The following CPSF3 variants were observed in gnomAD, a reference collection of about 807,000 sequenced individuals.
CPSF3 encodes cleavage and polyadenylation specificity factor subunit 3.
Under a neutral mutation model 84.1 loss-of-function variants are expected in CPSF3, and 57 were observed. The ratio of observed to expected loss-of-function variants is 0.68; its 90% CI spans 0.55 to 0.85. The LOEUF is 0.85. Among genes scored for constraint, CPSF3 ranks in the 40% least tolerant of loss-of-function variants. The pLI is 0.00. For missense variants in CPSF3, 522 were observed against 838.8 expected (o/e 0.62, Z 4.66); for synonymous variants, 275 against 278.1 (o/e 0.99, Z 0.11).
intron 10 of CPSF3, among the ~76,000 whole-genome samples, chr2:9,447,122 C>A (rs900527328): frequency 6.6e-5 from 10 of 152,172 alleles, no homozygotes; most frequent in African/African-American, 2.4e-4. Flanking sequence ...ACCTGGGCAA[C>A]AGAGCAAGAC....
chr2:9,455,702 C>T lies in CPSF3; in HGVS notation c.1548C>T (p.Ala516=). The change falls in exon 13 of 18, where the codon GCC becomes GCT. Residue 516 remains alanine (A), a synonymous_variant. Transcript: ENST00000238112. ...TGAGCACGGTGAAGCAGACCCAAGCCATTCCATATACTGGTCCCTTTAATT... is the reference window on the plus strand; with the variant it reads ...TGAGCACGGTGAAGCAGACCCAAGCTATTCCATATACTGGTCCCTTTAATT... ...LAMSTVKQTQ[A]IPYTGPFNLL... 1 of 1,614,132 alleles carries T rather than the reference C, an allele frequency of 6.2e-7. No individual in the cohort carries two copies.
At chr2:9,448,051 GGTCCTTAAAA>G in intron 10 of CPSF3, 137 bp from the exon 11 acceptor site, 1 of 457,462 alleles carries the variant, frequency 2.2e-6, no homozygotes, top group Admixed American at 4.0e-5. Context: ...ATCGGCTGGA[GGTCCTTAAAA>G]GTAGTAAAGT....
Position 9,470,171 on chromosome 2 carries a change from G to A in CPSF3, c.1857-1172G>A, listed in dbSNP as rs1172146602. ...CAGGAGGCAGAGGTTGCAGTGGGCC[G>A]AGATCGGGACACTGCACTCCAGCCT... On this transcript the variant is annotated intron_variant, in intron 16 of 17. Transcript: ENST00000238112. Among the ~76,000 whole-genome samples the A allele has an allele frequency of 2.6e-5, 4 of 152,190 alleles. No individual in the cohort carries two copies. The South Asian group carries it at 6.2e-4, about 24-fold the overall frequency.
intron 15 of CPSF3, among the ~76,000 whole-genome samples, chr2:9,463,062 A>G (rs1681783209): frequency 6.6e-6 from 1 of 152,222 alleles, no homozygotes; most frequent in African/African-American, 2.4e-5. Context: ...TGCTTAGGAA[A>G]CATCAGTGAA....
chr2:9,471,700 A>G (rs551304950), intron 17 of CPSF3, among the ~76,000 whole-genome samples: 12 of 150,828 alleles, frequency 8.0e-5, no homozygotes, highest in Non-Finnish European at 1.8e-4. Flanking sequence ...AGTTCACCTC[A>G]TCCCTTCTCT....
chr2:9,424,669 A>G (rs1429450361), intron 1 of CPSF3: 1 of 152,250 alleles, frequency 6.6e-6, no homozygotes, highest in East Asian at 1.9e-4. Context: ...CCTTCTGCTT[A>G]GTTCACACCT....
At chr2:9,424,006 G>A in intron 1 of CPSF3, 183 bp downstream of exon 1, 1 of 1,353,110 alleles carries the variant, frequency 7.4e-7, no homozygotes, top group Non-Finnish European at 9.5e-7. Flanking sequence ...GAAGGGGCCT[G>A]CTATAGAGTG....
chr2:9,429,833 G>T, intron 2 of CPSF3, 90 bp from the exon 3 acceptor site: 1 of 817,934 alleles, frequency 1.2e-6, no homozygotes, highest in Non-Finnish European at 2.0e-6. Flanking sequence ...TTGAGTATAT[G>T]GGTGATGGAA....
chr2:9,469,859 T>C (rs570996703), intron 16 of CPSF3, among the ~76,000 whole-genome samples: 1 of 152,354 alleles, frequency 6.6e-6, no homozygotes, highest in African/African-American at 2.4e-5. Context: ...AAGCCAACAG[T>C]GGATCACATG....
rs184984919 is a variant in CPSF3, at chr2:9,436,774, A to T, written c.760+413A>T. Reference sequence around the variant, plus strand: ...CGACAGAGCGAGACTCCATCTCAAAAAATAATAATAATAATAATAATAGGG... The same window carrying T: ...CGACAGAGCGAGACTCCATCTCAAATAATAATAATAATAATAATAATAGGG... On this transcript the variant is annotated intron_variant, in intron 7 of 17. Transcript: ENST00000238112. Among the ~76,000 whole-genome samples the T allele has an allele frequency of 4.6e-3, 657 of 143,034 alleles. 8 individuals are homozygous for T. The highest frequency in any genetic ancestry group is 0.016 in the African/African-American group (611 of 38,472). 93.8% of individuals were successfully genotyped at this position (143,034 alleles called of 152,430 possible).
chr2:9,434,100 G>T, intron 6 of CPSF3, 140 bp downstream of exon 6: 2 of 558,302 alleles, frequency 3.6e-6, no homozygotes, highest in Non-Finnish European at 6.2e-6. Flanking sequence ...AAAACTGGTG[G>T]CCGGGCACGG....
chr2:9,446,679 C>A (rs1307706607), intron 10 of CPSF3, among the ~76,000 whole-genome samples: 1 of 151,564 alleles, frequency 6.6e-6, no homozygotes, highest in Non-Finnish European at 1.5e-5. Flanking sequence ...ATCCCTTGAA[C>A]CCTCGAGGCA....
At chr2:9,444,140 T>TTATATATATATATATATATATATTATATA (rs377440396) in intron 10 of CPSF3, among the ~76,000 whole-genome samples, 2 of 129,900 alleles carry the variant, frequency 1.5e-5, no homozygotes, top group Non-Finnish European at 3.3e-5. Context: ...AATATATATA[T>TTATATATATATATATATATATATTATATA]TATATATATA....
intron 15 of CPSF3, among the ~76,000 whole-genome samples, chr2:9,466,368 A>ACACCCACGCACT (rs1681970129): frequency 7.0e-6 from 1 of 142,968 alleles, no homozygotes; most frequent in Admixed American, 7.0e-5. Flanking sequence ...ACACACGCAC[A>ACACCCACGCACT]CACCCACGCA....
intron 10 of CPSF3, among the ~76,000 whole-genome samples, chr2:9,447,706 T>G (rs1000791481): frequency 3.3e-5 from 5 of 151,862 alleles, no homozygotes; most frequent in Non-Finnish European, 5.9e-5. Flanking sequence ...ACTCAGGAGG[T>G]AGAGGCTGCA....
Position 9,428,753 on chromosome 2 carries a change from G to T in CPSF3, c.51-12G>T. ...TTTTAATCCTTCTTTTTCTCCCCTT[G>T]AATATTTACAGTGGAGCTGGGCAAG... On this transcript the variant is annotated splice_polypyrimidine_tract_variant and intron_variant, in intron 1 of 17. Coordinates refer to ENST00000238112, the MANE Select transcript of CPSF3 (RefSeq NM_016207.4). 1 of 1,589,726 alleles carries T rather than the reference G, an allele frequency of 6.3e-7. No homozygotes were observed. Among genetic ancestry groups the T allele is most frequent in the Non-Finnish European group, 8.6e-7 (1 of 1,159,934 alleles).
intron 15 of CPSF3, among the ~76,000 whole-genome samples, chr2:9,460,699 C>A: frequency 7.2e-6 from 1 of 138,392 alleles, no homozygotes; most frequent in East Asian, 2.1e-4. Flanking sequence ...TTTTTTGAGA[C>A]AAAGTCTTGC....
intron 1 of CPSF3, chr2:9,424,239 A>G: frequency 1.0e-6 from 1 of 994,064 alleles, no homozygotes. Flanking sequence ...CGTGCAGGGA[A>G]GAATTAAGTC....
chr2:9,424,887 T>C (rs1362204663), intron 1 of CPSF3: 1 of 152,202 alleles, frequency 6.6e-6, no homozygotes, highest in East Asian at 1.9e-4. Flanking sequence ...CTTGACCAAT[T>C]AGTAGGACAA....
Sources: gnomAD v4.1 joint callset for allele counts (sites outside exome capture counted in the v4.1 genomes callset) on GRCh38, gnomAD v4.1.1 for gene constraint, MANE v1.5 for transcripts, NCBI Gene and HGNC (gene_info 2026-07-23, HGNC 2026-07-21) for gene names.